MARCHF6: variants seen among roughly 807,000 people sequenced by gnomAD.
The protein encoded by MARCHF6 is membrane associated ring-CH-type finger 6.
MARCHF6 carries 31 observed loss-of-function variants against 133.7 expected under a neutral mutation model. That is an observed-to-expected ratio of 0.23 (90% CI 0.17 to 0.31). The LOEUF (loss-of-function observed/expected upper bound fraction) is 0.31, where lower values mean the gene tolerates loss of function less well. Among genes scored for constraint, MARCHF6 ranks in the 10% least tolerant of loss-of-function variants. The pLI, the probability that MARCHF6 is intolerant of heterozygous loss-of-function variation, is 1.00. For synonymous variants in MARCHF6, 395 were observed against 402.5 expected, an observed-to-expected ratio of 0.98 and a Z score of 0.22; for missense variants, 723 against 1,121.6, an observed-to-expected ratio of 0.64 and a Z score of 5.08.
chr5:10,386,139 A>T (rs569621329), intron 4 of MARCHF6, among the ~76,000 whole-genome samples: 1 of 152,196 alleles, frequency 6.6e-6, no homozygotes, highest in Admixed American at 6.5e-5. Flanking sequence ...TTACAAGCAT[A>T]CTTGTCTGAG....
Position 10,439,652 on chromosome 5 carries a change from T to G in MARCHF6, c.*5968T>G, listed in dbSNP as rs1423818531. The stretch of plus-strand genomic sequence containing the variant: ...GAGCTTGCTGCCTCTGCCCCTGCTC[T>G]CTCTCCTTTTCCATTTGTTTTCAAC... On this transcript the variant is annotated 3_prime_UTR_variant, in exon 26 of 26. Coordinates refer to ENST00000274140, the MANE Select transcript of MARCHF6 (RefSeq NM_005885.4). 2 of 150,246 alleles carry G rather than the reference T, an allele frequency of 1.3e-5. No homozygotes were observed. The highest frequency in any genetic ancestry group is 2.9e-5 in the Non-Finnish European group (2 of 68,076). The allele number at this position is 150,246 out of a possible 1,614,324, so 9.3% of individuals were successfully genotyped here.
At chr5:10,404,606 A>T (rs1414433089) in intron 15 of MARCHF6, among the ~76,000 whole-genome samples, 1 of 152,218 alleles carries the variant, frequency 6.6e-6, no homozygotes, top group Non-Finnish European at 1.5e-5. Context: ...ATGTTGGTTT[A>T]CACGGAGACG....
At chr5:10,417,716 C>CAA (rs1739587893) in intron 22 of MARCHF6, among the ~76,000 whole-genome samples, 1 of 99,124 alleles carries the variant, frequency 1.0e-5, no homozygotes, top group African/African-American at 3.9e-5. Flanking sequence ...GAGCCTCTGT[C>CAA]CAAAAAAAAA....
intron 1 of MARCHF6, among the ~76,000 whole-genome samples, chr5:10,365,852 G>A (rs538734363): frequency 1.3e-5 from 2 of 152,090 alleles, no homozygotes; most frequent in Non-Finnish European, 2.9e-5. Flanking sequence ...TTTAGGCTAT[G>A]GTGTTTTTAC....
chr5:10,392,355 C>G (rs1293889095), intron 7 of MARCHF6, among the ~76,000 whole-genome samples: 1 of 152,124 alleles, frequency 6.6e-6, no homozygotes, highest in Non-Finnish European at 1.5e-5. Context: ...ACAGATTCAC[C>G]TCATTCATTT....
At chr5:10,402,204 A>G (rs1340053992) in intron 12 of MARCHF6, 65 bp downstream of exon 12, 3 of 1,204,808 alleles carry the variant, frequency 2.5e-6, no homozygotes, top group Non-Finnish European at 2.4e-6. Flanking sequence ...CTCTTCATTA[A>G]TGGCGAAACT....
rs1740541877 is a variant in MARCHF6, at chr5:10,435,123, T to C, written c.*1439T>C. Reference sequence around the variant, plus strand: ...TTCAGAAACTATAAAAGAATTTTCATATAGTATTAAAATCCATAGACTAAA... The same window carrying C: ...TTCAGAAACTATAAAAGAATTTTCACATAGTATTAAAATCCATAGACTAAA... On this transcript the variant is annotated 3_prime_UTR_variant, in exon 26 of 26. Coordinates refer to ENST00000274140, the MANE Select transcript of MARCHF6 (RefSeq NM_005885.4). 6.6e-6 allele frequency: 1 copy of C among 152,630 alleles called. No individual in the cohort carries two copies. Among genetic ancestry groups the C allele is most frequent in the South Asian group, 2.1e-4 (1 of 4,826 alleles). The allele number at this position is 152,630 out of a possible 1,614,324, so 9.5% of individuals were successfully genotyped here.
chr5:10,361,905 A>G (rs1287304040), intron 1 of MARCHF6, among the ~76,000 whole-genome samples: 2 of 152,048 alleles, frequency 1.3e-5, no homozygotes, highest in African/African-American at 4.8e-5. Flanking sequence ...CTGGGATTAC[A>G]GGCATGCACC....
chr5:10,360,972 G>A (rs1207390830), intron 1 of MARCHF6, among the ~76,000 whole-genome samples: 5 of 152,212 alleles, frequency 3.3e-5, no homozygotes, highest in African/African-American at 1.2e-4. Context: ...AGACTATGAA[G>A]ATCACTTATT....
At chr5:10,390,873 A>G (rs1047228130) in intron 6 of MARCHF6, among the ~76,000 whole-genome samples, 10 of 152,238 alleles carry the variant, frequency 6.6e-5, no homozygotes, top group African/African-American at 1.7e-4. Flanking sequence ...GATGCTGTCA[A>G]TAAAGACAAA....
chr5:10,392,134 A>G (rs1335488818), intron 7 of MARCHF6, among the ~76,000 whole-genome samples: 1 of 151,848 alleles, frequency 6.6e-6, no homozygotes, highest in Non-Finnish European at 1.5e-5. Flanking sequence ...AATATTTTGT[A>G]TTTTTAGTAG....
chr5:10,423,033 G>C (rs967307379), intron 22 of MARCHF6, among the ~76,000 whole-genome samples: 22 of 150,392 alleles, frequency 1.5e-4, no homozygotes, highest in African/African-American at 5.4e-4. Flanking sequence ...TTTTGTTGTT[G>C]TTGTTTTAAA....
At chr5:10,370,433 G>T (rs1736400651) in intron 1 of MARCHF6, among the ~76,000 whole-genome samples, 1 of 152,006 alleles carries the variant, frequency 6.6e-6, no homozygotes, top group Admixed American at 6.6e-5. Context: ...AAATTTGATT[G>T]TGGTAAAGTA....
At chr5:10,392,149 G>A (rs934326919) in intron 7 of MARCHF6, among the ~76,000 whole-genome samples, 1 of 152,042 alleles carries the variant, frequency 6.6e-6, no homozygotes, top group Non-Finnish European at 1.5e-5. Context: ...TAGTAGAGAC[G>A]GGGTTTCACC....
intron 1 of MARCHF6, among the ~76,000 whole-genome samples, chr5:10,367,582 C>T (rs1020206627): frequency 6.6e-6 from 1 of 152,048 alleles, no homozygotes; most frequent in Admixed American, 6.6e-5. Context: ...TACCCCAAAA[C>T]TTAGAGTTTT....
rs371478931 is a variant in MARCHF6 at position 10,406,261 on chromosome 5, G to T, written c.1452+584G>T. On this transcript the variant is annotated intron_variant, in intron 16 of 25. Coordinates refer to ENST00000274140, the MANE Select transcript of MARCHF6 (RefSeq NM_005885.4). ...TATGATTGATTGCTAAATTACGGTT[G>T]TCTGAATTACGTTTAATTTGCATTG... is the stretch of plus-strand genomic sequence containing the variant. 2.0e-4 allele frequency among the ~76,000 whole-genome samples: 31 copies of T among 152,262 alleles called. No homozygotes were observed. The East Asian group carries it at 5.6e-3, about 27-fold the overall frequency.
intron 15 of MARCHF6, 21 bp downstream of exon 15, chr5:10,403,562 T>G: frequency 6.3e-7 from 1 of 1,595,122 alleles, no homozygotes; most frequent in Non-Finnish European, 8.5e-7. Context: ...AGGGAAATGC[T>G]GATGCTGTAC....
intron 1 of MARCHF6, among the ~76,000 whole-genome samples, chr5:10,359,620 C>T (rs1249947056): frequency 2.0e-5 from 3 of 152,062 alleles, no homozygotes; most frequent in Non-Finnish European, 4.4e-5. Context: ...AGAAAGAAAT[C>T]CGCGTATAAG....
Position 10,433,722 on chromosome 5 carries a change from GT to G in MARCHF6, c.*39del, listed in dbSNP as rs917464191. ...AACAACTTGACCTTCCCCTTTACATGTCCTTTTTTGTGGACTTCTCTCTTTG... is the reference window on the plus strand; with the variant it reads ...AACAACTTGACCTTCCCCTTTACATGCCTTTTTTGTGGACTTCTCTCTTTG... On this transcript the variant is annotated 3_prime_UTR_variant, in exon 26 of 26. Transcript: ENST00000274140. 4 of 1,528,170 alleles carry G rather than the reference GT, an allele frequency of 2.6e-6. No homozygotes were observed. The highest frequency in any genetic ancestry group is 3.6e-6 in the Non-Finnish European group (4 of 1,102,226). 94.7% of individuals were successfully genotyped at this position (1,528,170 alleles called of 1,614,324 possible). A position where few individuals can be genotyped will look rare whatever the true frequency, so the allele number is the denominator to read the frequency against.
Sources: gnomAD v4.1 joint callset for allele counts (sites outside exome capture counted in the v4.1 genomes callset) on GRCh38, gnomAD v4.1.1 for gene constraint, MANE v1.5 for transcripts, NCBI Gene and HGNC (gene_info 2026-07-23, HGNC 2026-07-21) for gene names.